Variants in THSD7A observed in about 807,000 individuals in gnomAD.
The protein encoded by THSD7A is thrombospondin type 1 domain containing 7A, also known as thrombospondin type-1 domain-containing protein 7A.
In THSD7A, 96 loss-of-function variants were observed where a neutral mutation model predicts 231.3. That is an observed-to-expected ratio of 0.41 (90% confidence interval 0.35 to 0.49). The LOEUF is 0.49. THSD7A is among the 20% of genes least tolerant of loss of function. THSD7A has a pLI of 0.05. For synonymous variants in THSD7A, 940 were observed against 743.3 expected (o/e 1.26, Z -4.30); for missense variants, 2,290 against 2,070.2 (o/e 1.11, Z -2.06).
At chr7:11,405,221 T>C in intron 22 of THSD7A, among the ~76,000 whole-genome samples, 1 of 152,032 alleles carries the variant, frequency 6.6e-6, no homozygotes, top group East Asian at 1.9e-4. Flanking sequence ...ATGTCAGTTT[T>C]TCCAGGTTTT....
chr7:11,653,678 TA>T lies in THSD7A; in HGVS notation c.191-16718del, dbSNP rs1447346881. Among the ~76,000 whole-genome samples, 14 of 151,872 alleles carry T rather than the reference TA, an allele frequency of 9.2e-5. No homozygotes were observed. The East Asian group carries it at 2.7e-3, about 30-fold the overall frequency. On this transcript the variant is annotated intron_variant, in intron 1 of 27. Transcript: ENST00000423059. The stretch of plus-strand genomic sequence containing the variant: ...ACCTAGCTTCAGTTATGCTTTTGAG[TA>T]GGCCAGCCAGCAATCAGTTTTGTAC...
intron 1 of THSD7A, among the ~76,000 whole-genome samples, chr7:11,796,222 A>G (rs1784122170): frequency 6.6e-6 from 1 of 151,044 alleles, no homozygotes; most frequent in East Asian, 1.9e-4. Context: ...TTTGTATATA[A>G]TTCTAGACCC....
At chr7:11,623,038 T>C (rs1781369797) in intron 2 of THSD7A, among the ~76,000 whole-genome samples, 1 of 152,180 alleles carries the variant, frequency 6.6e-6, no homozygotes. Context: ...TGTAACCTGG[T>C]CAAAATTTAT....
Position 11,541,518 on chromosome 7 carries a change from C to T in THSD7A, c.1723G>A (p.Asp575Asn), listed in dbSNP as rs944491929. ...AIPCEEPACYDWKAVRLGNCE... is the reference protein window; with the variant it reads ...AIPCEEPACYNWKAVRLGNCE... Reference sequence around the variant, plus strand: ...TTTCCCAGTCTCACTGCTTTCCAGTCATAACAGGCAGGCTCTTCACAGGGA... The same window carrying T: ...TTTCCCAGTCTCACTGCTTTCCAGTTATAACAGGCAGGCTCTTCACAGGGA... The change falls in exon 6 of 28, where the codon GAC (aspartate) becomes AAC (asparagine). Residue 575 changes from aspartate (D) to asparagine (N), a missense_variant. Transcript: ENST00000423059. 7 of 1,613,804 alleles carry T rather than the reference C, an allele frequency of 4.3e-6. No homozygotes were observed. In the South Asian group the frequency reaches 4.4e-5, roughly 10 times the overall value.
chr7:11,800,056 C>A (rs1784233391), intron 1 of THSD7A, among the ~76,000 whole-genome samples: 2 of 152,076 alleles, frequency 1.3e-5, no homozygotes, highest in Admixed American at 6.6e-5. Context: ...AAGGCGCTGG[C>A]TTCACTATGT....
At chr7:11,577,774 T>C (rs928930884) in intron 4 of THSD7A, among the ~76,000 whole-genome samples, 7 of 151,912 alleles carry the variant, frequency 4.6e-5, no homozygotes, top group African/African-American at 9.7e-5. Flanking sequence ...GCATTCCAAG[T>C]TTGAGCAATG....
chr7:11,811,764 G>A (rs1387304999), intron 1 of THSD7A, among the ~76,000 whole-genome samples: 3 of 152,114 alleles, frequency 2.0e-5, no homozygotes, highest in Admixed American at 6.6e-5. Context: ...CAGCTTAGCT[G>A]CCTGTGGACA....
intron 13 of THSD7A, among the ~76,000 whole-genome samples, chr7:11,435,194 G>T (rs774659872): frequency 6.6e-6 from 1 of 151,986 alleles, no homozygotes; most frequent in Non-Finnish European, 1.5e-5. Context: ...TGATATCTAT[G>T]TACAAGTTCA....
chr7:11,585,048 G>C (rs1005029202), intron 4 of THSD7A, among the ~76,000 whole-genome samples: 1 of 152,116 alleles, frequency 6.6e-6, no homozygotes, highest in African/African-American at 2.4e-5. Context: ...CAAGTCAAAG[G>C]TACAAAGCAC....
chr7:11,407,068 C>A lies in THSD7A; in HGVS notation c.3917-13G>T, dbSNP rs753465087. The A allele has an allele frequency of 1.2e-6, 2 of 1,612,972 alleles. No homozygotes were observed. The highest frequency in any genetic ancestry group is 1.3e-5 in the African/African-American group (1 of 74,868). Reference sequence around the variant, plus strand: ...CGGATCATTTTTCCTTGAAGAGATACAAAGTGATGCACCTTTAATATATGT... The same window carrying A: ...CGGATCATTTTTCCTTGAAGAGATAAAAAGTGATGCACCTTTAATATATGT... On this transcript the variant is annotated splice_polypyrimidine_tract_variant and intron_variant, in intron 20 of 27. Coordinates refer to ENST00000423059, the MANE Select transcript of THSD7A (RefSeq NM_015204.3).
intron 4 of THSD7A, among the ~76,000 whole-genome samples, chr7:11,563,421 G>A (rs1478586430): frequency 1.3e-5 from 2 of 152,034 alleles, no homozygotes; most frequent in Non-Finnish European, 2.9e-5. Context: ...GTGCAGTGGC[G>A]TGATCTCAGC....
intron 1 of THSD7A, among the ~76,000 whole-genome samples, chr7:11,654,252 A>AT (rs139612871): frequency 0.067 from 10,106 of 151,950 alleles, 389 homozygotes; most frequent in East Asian, 0.13. Flanking sequence ...TATGGCAAAT[A>AT]TTTTTAAAAG....
intron 1 of THSD7A, among the ~76,000 whole-genome samples, chr7:11,795,265 G>A (rs114978707): frequency 0.017 from 2,599 of 151,706 alleles, 70 homozygotes; most frequent in African/African-American, 0.059. Flanking sequence ...ACACACACAA[G>A]CATGCACATA....
intron 1 of THSD7A, among the ~76,000 whole-genome samples, chr7:11,721,806 G>A (rs1256804292): frequency 4.0e-5 from 6 of 151,760 alleles, no homozygotes; most frequent in Non-Finnish European, 7.4e-5. Context: ...AATGATTTTA[G>A]GTAAGATCTA....
At chr7:11,716,420 A>G (rs1050172670) in intron 1 of THSD7A, among the ~76,000 whole-genome samples, 1 of 151,666 alleles carries the variant, frequency 6.6e-6, no homozygotes, top group African/African-American at 2.4e-5. Flanking sequence ...ACAGAATGTC[A>G]TGGGCATCCT....
rs766687808 is a variant in THSD7A at position 11,407,067 on chromosome 7, A to G, written c.3917-12T>C. On this transcript the variant is annotated splice_polypyrimidine_tract_variant and intron_variant, in intron 20 of 27. Transcript: ENST00000423059. ...TCGGATCATTTTTCCTTGAAGAGAT[A>G]CAAAGTGATGCACCTTTAATATATG... 16 of 1,613,264 alleles carry G rather than the reference A, an allele frequency of 9.9e-6. No homozygotes were observed. In the East Asian group the frequency reaches 1.8e-4, roughly 18 times the overall value.
intron 1 of THSD7A, among the ~76,000 whole-genome samples, chr7:11,794,785 T>C (rs893208599): frequency 3.3e-5 from 5 of 151,992 alleles, no homozygotes; most frequent in African/African-American, 1.2e-4. Flanking sequence ...AAAGCATATG[T>C]GCCATGTTTG....
At chr7:11,781,244 G>A (rs569612417) in intron 1 of THSD7A, among the ~76,000 whole-genome samples, 1 of 151,104 alleles carries the variant, frequency 6.6e-6, no homozygotes, top group South Asian at 2.1e-4. Context: ...CAAGCCGGGT[G>A]TTCAAGACCT....
Position 11,375,824 on chromosome 7 carries a change from G to A in THSD7A, c.4944C>T (p.Thr1648=), listed in dbSNP as rs1250570920. The change falls in exon 28 of 28, where the codon ACC becomes ACT. Residue 1648 remains threonine, a synonymous_variant. Transcript: ENST00000423059. ...RRQNNRLKPL[T]LAYDGDADM is the part of the protein sequence containing the mutation. ...TGTCGGCATCTCCATCATAGGCTAA[G>A]GTTAAAGGTTTCAGTCGGTTGTTTT... The A allele has an allele frequency of 6.2e-7, 1 of 1,612,786 alleles. No individual in the cohort carries two copies. Among genetic ancestry groups the A allele is most frequent in the South Asian group, 1.1e-5 (1 of 91,028 alleles).
Sources: allele counts gnomAD v4.1 joint callset (sites outside exome capture counted in the v4.1 genomes callset), GRCh38; gene constraint gnomAD v4.1.1; transcripts MANE v1.5; gene names NCBI Gene and HGNC (gene_info 2026-07-23, HGNC 2026-07-21).